The following LRRN3 variants were observed in gnomAD, a reference collection of about 807,000 sequenced individuals.
The protein encoded by LRRN3 is leucine-rich repeat neuronal protein 3.
A neutral mutation model predicts 40.1 loss-of-function variants in LRRN3; 15 were observed. The observed-to-expected ratio is 0.37, with a 90% CI of 0.25 to 0.58. LRRN3 has a LOEUF of 0.58. Among genes scored for constraint, LRRN3 ranks in the 20% least tolerant of loss-of-function variants. The pLI is 0.72. For synonymous variants in LRRN3, 308 were observed against 297.2 expected (o/e 1.04, Z -0.37); for missense variants, 746 against 837.7 (o/e 0.89, Z 1.35).
chr7:111,111,658 T>C (rs1799216076), intron 2 of LRRN3, among the ~76,000 whole-genome samples: 3 of 151,368 alleles, frequency 2.0e-5, no homozygotes, highest in South Asian at 2.1e-4. Context: ...TCAACTAATG[T>C]CCCCCCCTGC....
intron 2 of LRRN3, among the ~76,000 whole-genome samples, chr7:111,105,195 A>T (rs978880365): frequency 2.0e-5 from 3 of 151,882 alleles, no homozygotes; most frequent in African/African-American, 7.2e-5. Context: ...AATTAATTTG[A>T]TTCTTCTTCA....
At chr7:111,116,314 T>A (rs1404847956) in intron 2 of LRRN3, among the ~76,000 whole-genome samples, 1 of 152,144 alleles carries the variant, frequency 6.6e-6, no homozygotes, top group Non-Finnish European at 1.5e-5. Flanking sequence ...CCCCTCCTTT[T>A]AAAAAAATCT....
intron 2 of LRRN3, among the ~76,000 whole-genome samples, chr7:111,120,642 T>C (rs1383845596): frequency 6.6e-6 from 1 of 152,182 alleles, no homozygotes; most frequent in African/African-American, 2.4e-5. Flanking sequence ...CAAATGTTAA[T>C]CTTGTGAACT....
At chr7:111,119,002 C>G (rs1800246336) in intron 2 of LRRN3, among the ~76,000 whole-genome samples, 1 of 151,854 alleles carries the variant, frequency 6.6e-6, no homozygotes, top group African/African-American at 2.4e-5. Context: ...TTTAAGACAC[C>G]CACCAGGATA....
intron 2 of LRRN3, among the ~76,000 whole-genome samples, chr7:111,119,892 A>C (rs1800376841): frequency 6.6e-6 from 1 of 152,164 alleles, no homozygotes; most frequent in Admixed American, 6.6e-5. Flanking sequence ...GGGGCAGCTA[A>C]GTACATGTGG....
chr7:111,097,143 A>C (rs866925448), intron 1 of LRRN3: 1 of 151,860 alleles, frequency 6.6e-6, no homozygotes, highest in African/African-American at 2.4e-5. Flanking sequence ...GGTTAGTATC[A>C]ATAGGCAACA....
chr7:111,092,869 C>T (rs1217901417), intron 1 of LRRN3, among the ~76,000 whole-genome samples: 6 of 152,154 alleles, frequency 3.9e-5, no homozygotes, highest in African/African-American at 1.4e-4. Flanking sequence ...TCTCTCCTGC[C>T]TTCTTTTAGT....
chr7:111,116,581 A>C (rs1186727374), intron 2 of LRRN3, among the ~76,000 whole-genome samples: 1 of 152,200 alleles, frequency 6.6e-6, no homozygotes, highest in Admixed American at 6.5e-5. Flanking sequence ...ACAGGACATT[A>C]ACAATCAACT....
intron 1 of LRRN3, among the ~76,000 whole-genome samples, chr7:111,099,301 T>C (rs564718256): frequency 6.6e-6 from 1 of 151,710 alleles, no homozygotes; most frequent in Non-Finnish European, 1.5e-5. Flanking sequence ...ATGCATTCTC[T>C]TTTAAATGAT....
chr7:111,112,360 T>G (rs749590655), intron 2 of LRRN3, among the ~76,000 whole-genome samples: 13 of 152,166 alleles, frequency 8.5e-5, no homozygotes, highest in Admixed American at 1.3e-4. Context: ...ATCAAGAACT[T>G]TAACTCTGTC....
chr7:111,121,905 A>T (rs942881901), intron 2 of LRRN3, among the ~76,000 whole-genome samples: 9 of 152,214 alleles, frequency 5.9e-5, no homozygotes, highest in African/African-American at 2.2e-4. Context: ...GCCATAAAAA[A>T]TGATGAGTTC....
intron 2 of LRRN3, among the ~76,000 whole-genome samples, chr7:111,111,942 G>GTTTTTTTTTTTTTTT (rs748410980): frequency 1.2e-5 from 1 of 84,110 alleles, no homozygotes; most frequent in Non-Finnish European, 2.2e-5. Context: ...TATATAGTTT[G>GTTTTTTTTTTTTTTT]TTTTTTTTTT....
chr7:111,116,645 G>C (rs1056353537), intron 2 of LRRN3, among the ~76,000 whole-genome samples: 2 of 152,086 alleles, frequency 1.3e-5, no homozygotes, highest in Admixed American at 1.3e-4. Flanking sequence ...AAGATTCAGA[G>C]AGCGATGTGA....
At chr7:111,095,723 G>A (rs189113840) in intron 1 of LRRN3, among the ~76,000 whole-genome samples, 2 of 152,096 alleles carry the variant, frequency 1.3e-5, no homozygotes, top group East Asian at 1.9e-4. Context: ...CAAGAATTCT[G>A]AAGAGGCTTT....
intron 1 of LRRN3, among the ~76,000 whole-genome samples, chr7:111,098,191 T>C (rs1022851107): frequency 6.6e-6 from 1 of 151,890 alleles, no homozygotes; most frequent in Admixed American, 6.6e-5. Flanking sequence ...GTTGTGTGAC[T>C]AGCTGAACTG....
rs747913931 is a variant in LRRN3, at chr7:111,123,895, G to C, written c.1123G>C (p.Val375Leu). 1.2e-6 allele frequency: 2 copies of C among 1,613,880 alleles called. No individual in the cohort carries two copies. The highest frequency in any genetic ancestry group is 1.3e-5 in the African/African-American group (1 of 74,916). Residue 375 changes from valine to leucine, a missense_variant, in exon 3 of 3, where the codon GTC becomes CTC. Physicochemically the swap from Val to Leu is conservative, Grantham distance 32. Transcript: ENST00000308478. This position sits in a 1 kb window ranked among gnomAD's most constrained non-coding sequence, Gnocchi z 6.4. ...IHSNPIRCDC[V>L]IRWMNMNKTN... Reference sequence around the variant, plus strand: ...CAGTAACCCCATCAGGTGTGACTGTGTCATCCGTTGGATGAACATGAACAA... The same window carrying C: ...CAGTAACCCCATCAGGTGTGACTGTCTCATCCGTTGGATGAACATGAACAA...
rs1801030232 is a variant in LRRN3, at chr7:111,124,373, C to A, written c.1601C>A (p.Ala534Asp). The part of the protein sequence containing the change: ...SLNIKIRDIQ[A>D]NSVLVSWKAS... ...AATATTAAAATAAGAGATATTCAGG[C>A]CAATTCAGTTTTGGTGTCCTGGAAA... The change falls in exon 3 of 3, where the codon GCC becomes GAC. Residue 534 changes from alanine (A) to aspartate (D), a missense_variant. Ala to Asp is a moderately radical substitution (Grantham distance 126, BLOSUM62 -2). Transcript: ENST00000308478. The A allele has an allele frequency of 6.2e-7, 1 of 1,613,628 alleles. No individual in the cohort carries two copies. Among genetic ancestry groups the A allele is most frequent in the Non-Finnish European group, 8.5e-7 (1 of 1,179,886 alleles).
At chr7:111,111,143 T>C (rs180805394) in intron 2 of LRRN3, among the ~76,000 whole-genome samples, 3 of 152,206 alleles carry the variant, frequency 2.0e-5, no homozygotes, top group Admixed American at 2.0e-4. Flanking sequence ...ACCAGGCTTC[T>C]AAGAGTGAAA....
chr7:111,099,169 A>G (rs1187819160), intron 1 of LRRN3, among the ~76,000 whole-genome samples: 1 of 151,706 alleles, frequency 6.6e-6, no homozygotes, highest in Admixed American at 6.6e-5. Flanking sequence ...ACCTGAGGTC[A>G]TGCAGTATAA....
Sources: gnomAD v4.1 joint callset for allele counts (sites outside exome capture counted in the v4.1 genomes callset) on GRCh38, gnomAD v4.1.1 for gene constraint, Gnocchi (gnomAD v3.1) non-coding constraint, MANE v1.5 for transcripts, NCBI Gene and HGNC (gene_info 2026-07-23, HGNC 2026-07-21) for gene names.